KIAA1549: variants seen among roughly 807,000 people sequenced by gnomAD.
The protein encoded by KIAA1549 is UPF0606 protein KIAA1549.
Under a neutral mutation model 156.4 loss-of-function variants are expected in KIAA1549, and 70 were observed. The observed-to-expected ratio is 0.45, with a 90% CI of 0.37 to 0.55. The LOEUF (loss-of-function observed/expected upper bound fraction) is 0.55. Ranked by LOEUF, KIAA1549 falls within the 20% of genes least tolerant of loss-of-function variation. KIAA1549 has a pLI of 0.00. For synonymous variants in KIAA1549, 1,103 were observed against 1,066.4 expected, an observed-to-expected ratio of 1.03 and a Z score of -0.67; for missense variants, 2,428 against 2,540.9, an observed-to-expected ratio of 0.96 and a Z score of 0.96.
chr7:138,970,844 T>C (rs1441733406), intron 1 of KIAA1549, among the ~76,000 whole-genome samples: 1 of 152,192 alleles, frequency 6.6e-6, no homozygotes, highest in Non-Finnish European at 1.5e-5. Context: ...CAACAGTATT[T>C]ACCCAGTGTT....
intron 9 of KIAA1549, among the ~76,000 whole-genome samples, chr7:138,898,031 T>C (rs1024972132): frequency 4.0e-5 from 6 of 148,800 alleles, no homozygotes; most frequent in South Asian, 4.3e-4. Context: ...TGGGGCCGGG[T>C]GCAGTGGCTC....
intron 10 of KIAA1549, among the ~76,000 whole-genome samples, chr7:138,884,834 C>T (rs770445219): frequency 6.6e-6 from 1 of 152,208 alleles, no homozygotes; most frequent in East Asian, 1.9e-4. Flanking sequence ...CAAGATATCC[C>T]GCCCTTTCAG....
intron 1 of KIAA1549, among the ~76,000 whole-genome samples, chr7:138,931,968 G>C (rs1310451525): frequency 6.6e-6 from 1 of 152,084 alleles, no homozygotes; most frequent in Admixed American, 6.6e-5. Flanking sequence ...TCCTGGAGGT[G>C]TGTGGTGGGG....
intron 17 of KIAA1549, among the ~76,000 whole-genome samples, 155 bp downstream of exon 17, chr7:138,852,067 TC>T (rs1810250747): frequency 6.6e-6 from 1 of 152,224 alleles, no homozygotes; most frequent in African/African-American, 2.4e-5. Context: ...GAACTTAAAT[TC>T]CAACTATTTT....
At position 138,865,739 on chromosome 7, in the gene KIAA1549, G is replaced by A. The variant is rs547316930; in HGVS notation, c.4929+2236C>T. ...AAGAAAACGATGCTGCAAAGCTACC[G>A]CAAAAGAAGGCTGATCTAGAGTCAC... On this transcript the variant is annotated intron_variant, in intron 15 of 19. Transcript: ENST00000422774. 1.1e-3 allele frequency among the ~76,000 whole-genome samples: 172 copies of A among 152,254 alleles called. 1 individual carries two copies. Among genetic ancestry groups the A allele is most frequent in the African/African-American group, 3.8e-3 (157 of 41,550 alleles).
At chr7:138,910,316 T>C (rs1812132024) in intron 4 of KIAA1549, among the ~76,000 whole-genome samples, 1 of 151,834 alleles carries the variant, frequency 6.6e-6, no homozygotes, top group Non-Finnish European at 1.5e-5. Context: ...GACAGGAGGA[T>C]CGCTTGAGCC....
intron 12 of KIAA1549, among the ~76,000 whole-genome samples, chr7:138,877,687 T>C (rs1417628972): frequency 6.6e-6 from 1 of 152,228 alleles, no homozygotes; most frequent in Non-Finnish European, 1.5e-5. Flanking sequence ...AAACTATCTT[T>C]CTACAACATG....
intron 17 of KIAA1549, among the ~76,000 whole-genome samples, chr7:138,849,372 A>G (rs564496394): frequency 3.9e-5 from 6 of 152,002 alleles, no homozygotes; most frequent in Admixed American, 6.6e-5. Flanking sequence ...GCTTTCCAAT[A>G]TATGCATTTA....
At chr7:138,847,004 C>T (rs1324425269) in intron 17 of KIAA1549, among the ~76,000 whole-genome samples, 1 of 152,138 alleles carries the variant, frequency 6.6e-6, no homozygotes, top group African/African-American at 2.4e-5. Context: ...ATCTAAGAGC[C>T]TTCCGTGAGG....
At chr7:138,963,657 A>G (rs573183425) in intron 1 of KIAA1549, among the ~76,000 whole-genome samples, 27 of 152,244 alleles carry the variant, frequency 1.8e-4, no homozygotes, top group Non-Finnish European at 3.8e-4. Flanking sequence ...CAAACGAAGT[A>G]GGACAGCCGG....
chr7:138,973,947 C>T (rs1814297808), intron 1 of KIAA1549, among the ~76,000 whole-genome samples: 1 of 152,182 alleles, frequency 6.6e-6, no homozygotes, highest in Admixed American at 6.5e-5. Context: ...CCCAGCCTAA[C>T]TTTTTTTCTA....
chr7:138,838,459 G>C (rs185519355), intron 19 of KIAA1549, among the ~76,000 whole-genome samples: 2 of 152,092 alleles, frequency 1.3e-5, no homozygotes, highest in African/African-American at 4.8e-5. Flanking sequence ...CCTCTGCCCT[G>C]GACTGGAGCC....
intron 18 of KIAA1549, among the ~76,000 whole-genome samples, chr7:138,843,883 G>T (rs749956103): frequency 5.9e-5 from 9 of 152,148 alleles, no homozygotes; most frequent in Non-Finnish European, 1.0e-4. Context: ...TTGCAAATTT[G>T]GAATTGGCTT....
At chr7:138,907,558 G>C (rs992089605) in intron 5 of KIAA1549, among the ~76,000 whole-genome samples, 1 of 152,202 alleles carries the variant, frequency 6.6e-6, no homozygotes, top group Non-Finnish European at 1.5e-5. Context: ...GGACCAGGAG[G>C]GGCTCTGTGG....
chr7:138,848,792 C>T (rs1372617604), intron 17 of KIAA1549, among the ~76,000 whole-genome samples: 1 of 152,130 alleles, frequency 6.6e-6, no homozygotes, highest in Non-Finnish European at 1.5e-5. Context: ...CTGCTGAAGT[C>T]CCCTGGGCCT....
At chr7:138,858,899 G>A (rs890970037) in intron 16 of KIAA1549, among the ~76,000 whole-genome samples, 8 of 151,874 alleles carry the variant, frequency 5.3e-5, no homozygotes, top group African/African-American at 1.7e-4. Flanking sequence ...CCAGCTACTC[G>A]GGAGGCTGAG....
chr7:138,877,977 A>G (rs1256941227), intron 12 of KIAA1549, among the ~76,000 whole-genome samples: 1 of 152,210 alleles, frequency 6.6e-6, no homozygotes, highest in South Asian at 2.1e-4. Flanking sequence ...ACTTGGAAAA[A>G]TCCAGAGCTC....
intron 1 of KIAA1549, among the ~76,000 whole-genome samples, chr7:138,925,023 T>C (rs974784291): frequency 6.6e-6 from 1 of 152,118 alleles, no homozygotes; most frequent in African/African-American, 2.4e-5. Flanking sequence ...CGCTGAGGCC[T>C]TTTCTCCATT....
intron 19 of KIAA1549, among the ~76,000 whole-genome samples, chr7:138,839,048 A>C (rs1486380348): frequency 6.6e-6 from 1 of 152,204 alleles, no homozygotes; most frequent in Non-Finnish European, 1.5e-5. Flanking sequence ...ACACCTCATG[A>C]AGCTAAGCTG....
Sources: allele counts gnomAD v4.1 joint callset (sites outside exome capture counted in the v4.1 genomes callset), GRCh38; gene constraint gnomAD v4.1.1; transcripts MANE v1.5; gene names NCBI Gene and HGNC (gene_info 2026-07-23, HGNC 2026-07-21).